The following NXPH2 variants were observed in gnomAD, a reference collection of about 807,000 sequenced individuals.
NXPH2 encodes neurexophilin 2.
In NXPH2, 5 loss-of-function variants were observed where a neutral mutation model predicts 19.8. That is an observed-to-expected ratio of 0.25 (90% CI 0.13 to 0.53). NXPH2 has a LOEUF of 0.53. NXPH2 is among the 20% of genes least tolerant of loss of function. NXPH2 has a pLI of 0.96. For missense variants in NXPH2, 289 were observed against 322.8 expected (o/e 0.90, Z 0.80); for synonymous variants, 154 against 127.4 (o/e 1.21, Z -1.41).
At chr2:138,767,304 G>A (rs554524348) in intron 1 of NXPH2, among the ~76,000 whole-genome samples, 23 of 152,362 alleles carry the variant, frequency 1.5e-4, no homozygotes, top group African/African-American at 5.1e-4. Context: ...CCCAGGAGCA[G>A]AGACTGAGTC....
At chr2:138,744,534 C>G (rs1681695097) in intron 1 of NXPH2, among the ~76,000 whole-genome samples, 1 of 152,134 alleles carries the variant, frequency 6.6e-6, no homozygotes, top group South Asian at 2.1e-4. Flanking sequence ...TGTTTTGACA[C>G]TGGGTAGGTG....
intron 1 of NXPH2, among the ~76,000 whole-genome samples, chr2:138,736,311 T>A (rs2105003126): frequency 1.3e-5 from 2 of 152,322 alleles, no homozygotes; most frequent in Admixed American, 1.3e-4. Flanking sequence ...TTTCCATACA[T>A]CCTCTGAAAT....
intron 1 of NXPH2, among the ~76,000 whole-genome samples, chr2:138,679,051 C>G (rs770065738): frequency 6.6e-6 from 1 of 152,222 alleles, no homozygotes; most frequent in Non-Finnish European, 1.5e-5. Flanking sequence ...CGCTTTCCTA[C>G]AGGTTCATCA....
At chr2:138,766,911 T>G (rs941279102) in intron 1 of NXPH2, among the ~76,000 whole-genome samples, 13 of 152,292 alleles carry the variant, frequency 8.5e-5, no homozygotes, top group South Asian at 2.1e-4. Flanking sequence ...TGATTTTTGT[T>G]GATTGTGTCA....
At chr2:138,775,419 A>G (rs1025105161) in intron 1 of NXPH2, among the ~76,000 whole-genome samples, 1 of 152,090 alleles carries the variant, frequency 6.6e-6, no homozygotes, top group Admixed American at 6.5e-5. Context: ...TTCCTTTTTT[A>G]TTTAGCAGGA....
intron 1 of NXPH2, among the ~76,000 whole-genome samples, chr2:138,676,194 T>C (rs761027701): frequency 6.6e-6 from 1 of 152,230 alleles, no homozygotes; most frequent in Non-Finnish European, 1.5e-5. Context: ...AGTGGTTTAC[T>C]GGTAGAAGAA....
chr2:138,681,056 C>T (rs1308164400), intron 1 of NXPH2, among the ~76,000 whole-genome samples: 1 of 152,172 alleles, frequency 6.6e-6, no homozygotes, highest in Admixed American at 6.5e-5. Flanking sequence ...TTTCTACCTC[C>T]AAAGAGCTTT....
At chr2:138,731,367 T>C (rs1258838464) in intron 1 of NXPH2, among the ~76,000 whole-genome samples, 3 of 152,140 alleles carry the variant, frequency 2.0e-5, no homozygotes, top group Non-Finnish European at 4.4e-5. Context: ...ATTGTGTACC[T>C]GCTCTTGCCA....
At chr2:138,722,546 G>A (rs1369302345) in intron 1 of NXPH2, among the ~76,000 whole-genome samples, 1 of 152,194 alleles carries the variant, frequency 6.6e-6, no homozygotes, top group Non-Finnish European at 1.5e-5. Context: ...CATCTAACTG[G>A]CTTGAAGATC....
intron 1 of NXPH2, among the ~76,000 whole-genome samples, chr2:138,712,285 CA>C (rs1681117698): frequency 6.6e-6 from 1 of 152,150 alleles, no homozygotes; most frequent in Non-Finnish European, 1.5e-5. Flanking sequence ...AACCAGAAGC[CA>C]ATTTAGAATC....
chr2:138,769,610 G>A (rs1682144806), intron 1 of NXPH2, among the ~76,000 whole-genome samples: 2 of 152,150 alleles, frequency 1.3e-5, no homozygotes, highest in African/African-American at 4.8e-5. Context: ...CCACACGCAG[G>A]CAGGACACTG....
rs763824809 is a variant in NXPH2 at position 138,671,438 on chromosome 2, T to C, written c.279A>G (p.Pro93=). ...WLANITEIQE[P]LARTKRRPIV... ...TTGGCCTCCGTTTAGTTCTTGCCAA[T>C]GGCTCCTGAATCTCCGTGATGTTGG... is the stretch of plus-strand genomic sequence containing the variant. Residue 93 remains proline, a synonymous_variant, in exon 2 of 2, where the codon CCA becomes CCG. Coordinates refer to ENST00000272641, the MANE Select transcript of NXPH2 (RefSeq NM_007226.3). The C allele has an allele frequency of 6.2e-7, 1 of 1,614,028 alleles. No homozygotes were observed. The highest frequency in any genetic ancestry group is 8.5e-7 in the Non-Finnish European group (1 of 1,179,870).
intron 1 of NXPH2, among the ~76,000 whole-genome samples, chr2:138,725,578 T>G (rs1681344146): frequency 1.3e-5 from 2 of 152,248 alleles, no homozygotes; most frequent in Non-Finnish European, 2.9e-5. Flanking sequence ...GAGTTTTAAT[T>G]CAAGGTTGGG....
intron 1 of NXPH2, among the ~76,000 whole-genome samples, chr2:138,754,951 A>G (rs910113948): frequency 6.6e-6 from 1 of 152,122 alleles, no homozygotes; most frequent in East Asian, 1.9e-4. Flanking sequence ...TAAATGTTCA[A>G]TCATGAATGA....
chr2:138,772,038 T>C (rs1682186697), intron 1 of NXPH2, among the ~76,000 whole-genome samples: 1 of 152,156 alleles, frequency 6.6e-6, no homozygotes, highest in African/African-American at 2.4e-5. Flanking sequence ...ACTAGACAGG[T>C]TCCCTCACCC....
intron 1 of NXPH2, among the ~76,000 whole-genome samples, chr2:138,703,230 G>A (rs1680958721): frequency 6.6e-6 from 1 of 152,050 alleles, no homozygotes; most frequent in Non-Finnish European, 1.5e-5. Flanking sequence ...TGTAGATATG[G>A]AATGCATAAT....
chr2:138,687,035 C>A (rs1680669045), intron 1 of NXPH2, among the ~76,000 whole-genome samples: 1 of 152,120 alleles, frequency 6.6e-6, no homozygotes, highest in Non-Finnish European at 1.5e-5. Context: ...GTCTTTATAG[C>A]AGCATGATTT....
At chr2:138,753,548 C>T (rs965083200) in intron 1 of NXPH2, among the ~76,000 whole-genome samples, 1 of 152,128 alleles carries the variant, frequency 6.6e-6, no homozygotes, top group Admixed American at 6.6e-5. Flanking sequence ...CAGGCCCTCT[C>T]AGCTGGTAAG....
chr2:138,778,280 C>T (rs892417822), intron 1 of NXPH2, among the ~76,000 whole-genome samples: 1 of 152,104 alleles, frequency 6.6e-6, no homozygotes, highest in African/African-American at 2.4e-5. Flanking sequence ...ATAAAGTGCT[C>T]CAGGAGAAAA....
Sources: allele counts gnomAD v4.1 joint callset (sites outside exome capture counted in the v4.1 genomes callset), GRCh38; gene constraint gnomAD v4.1.1; transcripts MANE v1.5; gene names NCBI Gene and HGNC (gene_info 2026-07-23, HGNC 2026-07-21).